The following HK3 variants were observed in gnomAD, a reference collection of about 807,000 sequenced individuals.
The protein encoded by HK3 is hexokinase-3.
A neutral mutation model predicts 91.0 loss-of-function variants in HK3; 93 were observed. That is an observed-to-expected ratio of 1.02 (90% confidence interval 0.86 to 1.21). The LOEUF is 1.21. HK3 is among the 50% of genes most tolerant of loss of function. The pLI, the probability that HK3 is intolerant of heterozygous loss-of-function variation, is 0.00. For synonymous variants in HK3, 519 were observed against 516.9 expected (o/e 1.00, Z -0.06); for missense variants, 1,235 against 1,247.4 (o/e 0.99, Z 0.15).
In HK3 at chr5:176,888,871, G is replaced by C. The variant is rs539417207; in HGVS notation, c.915-7C>G. ...TCCGATCATCTTCTCAAACCTGCAG[G>C]GGGGAAGGGTGGCTGGAGGAAGCCT... On this transcript the variant is annotated splice_region_variant and splice_polypyrimidine_tract_variant and intron_variant, in intron 8 of 18. Transcript: ENST00000292432. The C allele has an allele frequency of 4.5e-5, 72 of 1,609,946 alleles. No homozygotes were observed. Among genetic ancestry groups the C allele is most frequent in the South Asian group, 2.5e-4 (23 of 90,988 alleles).
At chr5:176,881,886 A>G (rs2149372761) in intron 16 of HK3, 39 bp from the exon 17 acceptor site, 1 of 1,612,072 alleles carries the variant, frequency 6.2e-7, no homozygotes, top group East Asian at 2.2e-5. Flanking sequence ...AGGCCCCACC[A>G]GCCACCATCC....
At chr5:176,896,967 G>A (rs1013882481) in intron 1 of HK3, among the ~76,000 whole-genome samples, 3 of 146,948 alleles carry the variant, frequency 2.0e-5, no homozygotes, top group African/African-American at 5.5e-5. Context: ...ACAGTGAAGT[G>A]ATGCAGAGCA....
intron 6 of HK3, 61 bp downstream of exon 6, chr5:176,890,574 G>A (rs370574727): frequency 2.1e-6 from 3 of 1,405,672 alleles, no homozygotes; most frequent in East Asian, 4.6e-5. Flanking sequence ...CAGACCCAAC[G>A]CATGTGTGCC....
At chr5:176,893,641 C>A (rs771998970) in intron 2 of HK3, among the ~76,000 whole-genome samples, 13 of 152,106 alleles carry the variant, frequency 8.5e-5, no homozygotes, top group Non-Finnish European at 1.6e-4. Context: ...ATGGGAGGGG[C>A]GTTTTAGTAT....
At position 176,884,944 on chromosome 5, in the gene HK3, GTT is replaced by G. The variant is rs1351073235; in HGVS notation, c.1858-812_1858-811del. Among the ~76,000 whole-genome samples, 1 of 152,156 alleles carries G rather than the reference GTT, an allele frequency of 6.6e-6. No individual in the cohort carries two copies. Among genetic ancestry groups the G allele is most frequent in the African/African-American group, 2.4e-5 (1 of 41,428 alleles). ...CTCCAATAATATGTCCTTTTATCCC[GTT>G]TTTTATTGTCCTAGGCTCATTGTCT... On this transcript the variant is annotated intron_variant, in intron 13 of 18. Transcript: ENST00000292432. This position sits in a 1 kb window ranked among gnomAD's most constrained non-coding sequence, Gnocchi z 4.1.
Position 176,892,456 on chromosome 5 carries a change from A to G in HK3, c.97-906T>C, listed in dbSNP as rs576776768. On this transcript the variant is annotated intron_variant, in intron 2 of 18. Coordinates refer to ENST00000292432, the MANE Select transcript of HK3 (RefSeq NM_002115.3). ...CAGGTGAGAAGGCAGGGAAGGCAGA[A>G]GCCAGGACACCCCAGGCTGTCACTC... is the stretch of plus-strand genomic sequence containing the variant. 4.6e-5 allele frequency among the ~76,000 whole-genome samples: 7 copies of G among 152,190 alleles called. No homozygotes were observed. The East Asian group carries it at 7.7e-4, about 17-fold the overall frequency.
intron 17 of HK3, 57 bp from the exon 18 acceptor site, chr5:176,881,592 A>G (rs1449181618): frequency 6.3e-7 from 1 of 1,585,284 alleles, no homozygotes; most frequent in Admixed American, 1.7e-5. Flanking sequence ...CTCCCACTTC[A>G]TCCTCCAGAG....
chr5:176,894,158 C>A (rs1184832063), intron 2 of HK3, among the ~76,000 whole-genome samples: 1 of 152,196 alleles, frequency 6.6e-6, no homozygotes, highest in Middle Eastern at 3.2e-3. Context: ...AAAGCACACC[C>A]AGCCTGGAGA....
chr5:176,888,818 G>A lies in HK3; in HGVS notation c.961C>T (p.Leu321=), dbSNP rs2149375719. 2.5e-6 allele frequency: 4 copies of A among 1,614,040 alleles called. No individual in the cohort carries two copies. Among genetic ancestry groups the A allele is most frequent in the East Asian group, 2.2e-5 (1 of 44,876 alleles). The part of the protein sequence containing the change: ...GGLYLGELVR[L]VLAHLARCGV... ...CACCGGGCCAAGTGAGCCAGCACCA[G>A]CCGCACCAGCTCACCCAGGTACAGG... The change falls in exon 9 of 19, where the codon CTG becomes TTG. Residue 321 remains leucine (L), a synonymous_variant. Transcript: ENST00000292432.
At chr5:176,882,745 AT>A (rs764797443) in intron 15 of HK3, among the ~76,000 whole-genome samples, 4 of 152,210 alleles carry the variant, frequency 2.6e-5, no homozygotes, top group African/African-American at 7.2e-5. Flanking sequence ...AGAAAAAGGC[AT>A]TCCAGGCAGA....
At position 176,891,176 on chromosome 5, in the gene HK3, A is replaced by G; in HGVS notation, c.275T>C (p.Val92Ala). 1.9e-6 allele frequency: 3 copies of G among 1,614,124 alleles called. No homozygotes were observed. The highest frequency in any genetic ancestry group is 2.5e-6 in the Non-Finnish European group (3 of 1,180,036). Reference protein sequence around the residue: ...TPHGTEQGDFVVLELGATGAS... With the variant: ...TPHGTEQGDFAVLELGATGAS... The stretch of plus-strand genomic sequence containing the variant: ...CCCTGTGGCCCCCAGCTCCAGCACC[A>G]CGAAGTCTCCTTGCTCTGGAGGGCA... Residue 92 changes from valine (V) to alanine (A), a missense_variant, in exon 4 of 19, where the codon GTG becomes GCG. Val to Ala is a moderately conservative substitution (Grantham distance 64). Around this residue, in one of 3 missense-constraint regions of HK3, gnomAD observed 717 missense variants for 751.6 expected, o/e 0.95. Transcript: ENST00000292432.
At position 176,888,817 on chromosome 5, in the gene HK3, AGCC is replaced by A. The variant is rs1177908797; in HGVS notation, c.959_961del (p.Arg320del). On this transcript the variant is annotated inframe_deletion, in exon 9 of 19. Transcript: ENST00000292432. ...ACACCGGGCCAAGTGAGCCAGCACC[AGCC>A]GCACCAGCTCACCCAGGTACAGGCC... The A allele has an allele frequency of 1.9e-6, 3 of 1,614,108 alleles. No homozygotes were observed. The highest frequency in any genetic ancestry group is 1.3e-5 in the African/African-American group (1 of 74,944).
intron 2 of HK3, among the ~76,000 whole-genome samples, chr5:176,893,562 G>A (rs920829526): frequency 3.2e-4 from 48 of 152,322 alleles, no homozygotes; most frequent in African/African-American, 1.1e-3. Context: ...AGGATTTGTT[G>A]ATTGGATGGT....
chr5:176,887,048 A>G lies in HK3; in HGVS notation c.1811T>C (p.Leu604Pro). The change falls in exon 13 of 19, where the codon CTG becomes CCG. Residue 604 changes from leucine (L) to proline (P), a missense_variant. Coordinates refer to ENST00000292432, the MANE Select transcript of HK3 (RefSeq NM_002115.3). This position sits in a 1 kb window ranked among gnomAD's most constrained non-coding sequence, Gnocchi z 4.9. ...ACATGGGAAGGAGAAGGTAAAACCC[A>G]GTGGGAGGCTCTGCCCGCTCAGGCC... The part of the protein sequence containing the change: ...KQGLSGQSLP[L>P]GFTFSFPCRQ... The G allele has an allele frequency of 6.2e-7, 1 of 1,614,194 alleles. No individual in the cohort carries two copies. The highest frequency in any genetic ancestry group is 8.5e-7 in the Non-Finnish European group (1 of 1,180,034).
chr5:176,898,709 T>G (rs1389586098), intron 1 of HK3, among the ~76,000 whole-genome samples: 1 of 152,180 alleles, frequency 6.6e-6, no homozygotes, highest in Non-Finnish European at 1.5e-5. Context: ...CACTGCAGTA[T>G]CCCCAGAGCC....
intron 2 of HK3, among the ~76,000 whole-genome samples, 157 bp from the exon 3 acceptor site, chr5:176,891,707 C>T (rs1758780821): frequency 6.6e-6 from 1 of 152,198 alleles, no homozygotes; most frequent in African/African-American, 2.4e-5. Context: ...GCTCTGGCAT[C>T]CTCAGAAGGC....
intron 17 of HK3, 50 bp from the exon 18 acceptor site, chr5:176,881,585 C>T: frequency 6.3e-7 from 1 of 1,585,186 alleles, no homozygotes; most frequent in Non-Finnish European, 8.6e-7. Flanking sequence ...GTGACTTCTC[C>T]CACTTCATCC....
chr5:176,896,047 C>T lies in HK3; in HGVS notation c.96+17G>A. 6.2e-7 allele frequency: 1 copy of T among 1,605,798 alleles called. No individual in the cohort carries two copies. Among genetic ancestry groups the T allele is most frequent in the Non-Finnish European group, 8.5e-7 (1 of 1,172,460 alleles). On this transcript the variant is annotated intron_variant, in intron 2 of 18. Coordinates refer to ENST00000292432, the MANE Select transcript of HK3 (RefSeq NM_002115.3). ...GCCTTAGACAAGCATGAAACAGGAA[C>T]CCAGTGCTGAACTTACCAGCTCTGA...
chr5:176,883,570 A>G (rs962490390), intron 15 of HK3, among the ~76,000 whole-genome samples, 200 bp downstream of exon 15: 1 of 152,192 alleles, frequency 6.6e-6, no homozygotes, highest in African/African-American at 2.4e-5. Context: ...GAGAGCTTAA[A>G]TGACCATGAG....
Sources: gnomAD v4.1 joint callset for allele counts (sites outside exome capture counted in the v4.1 genomes callset) on GRCh38, gnomAD v4.1.1 for gene constraint, gnomAD v4.1.1 regional missense constraint, Gnocchi (gnomAD v3.1) non-coding constraint, MANE v1.5 for transcripts, NCBI Gene and HGNC (gene_info 2026-07-23, HGNC 2026-07-21) for gene names.